CCNY: variants seen among roughly 807,000 people sequenced by gnomAD.
The protein encoded by CCNY is cyclin-Y.
Under a neutral mutation model 42.8 loss-of-function variants are expected in CCNY, and 19 were observed. The observed-to-expected ratio is 0.44, with a 90% CI of 0.31 to 0.65. The LOEUF (loss-of-function observed/expected upper bound fraction) is 0.65. CCNY is among the 30% of genes least tolerant of loss of function. CCNY has a pLI of 0.07. For synonymous variants in CCNY, 165 were observed against 162.7 expected, an observed-to-expected ratio of 1.01 and a Z score of -0.11; for missense variants, 370 against 437.3, an observed-to-expected ratio of 0.85 and a Z score of 1.37.
intron 1 of CCNY, among the ~76,000 whole-genome samples, chr10:35,375,060 T>C (rs1453282839): frequency 6.6e-6 from 1 of 152,178 alleles, no homozygotes; most frequent in African/African-American, 2.4e-5. Context: ...GGTGATTCTT[T>C]AAAGTACATT....
At chr10:35,500,398 C>T (rs1051147270) in intron 2 of CCNY, among the ~76,000 whole-genome samples, 19 of 152,210 alleles carry the variant, frequency 1.2e-4, no homozygotes, top group African/African-American at 4.1e-4. Context: ...AGTCTAAGAA[C>T]AGCATATGAG....
chr10:35,552,328 G>A (rs1475818782), intron 7 of CCNY, among the ~76,000 whole-genome samples: 2 of 152,210 alleles, frequency 1.3e-5, no homozygotes, highest in East Asian at 3.8e-4. Flanking sequence ...CAGATTCATA[G>A]AGAATGGTGG....
intron 1 of CCNY, among the ~76,000 whole-genome samples, chr10:35,471,912 T>G (rs1455585888): frequency 6.6e-6 from 1 of 152,222 alleles, no homozygotes; most frequent in Non-Finnish European, 1.5e-5. Flanking sequence ...CTTGCCATTC[T>G]TTTAGGAGGT....
At chr10:35,473,421 T>C (rs1248769494) in intron 1 of CCNY, among the ~76,000 whole-genome samples, 2 of 152,188 alleles carry the variant, frequency 1.3e-5, no homozygotes, top group African/African-American at 2.4e-5. Context: ...CTTGGTGAGT[T>C]AGCACATGAG....
chr10:35,519,649 A>C (rs1437709144), intron 4 of CCNY, among the ~76,000 whole-genome samples: 1 of 152,034 alleles, frequency 6.6e-6, no homozygotes, highest in Non-Finnish European at 1.5e-5. Context: ...GGAACAAGCT[A>C]TGAGACTTCA....
chr10:35,356,505 G>A (rs1382235406), intron 1 of CCNY, among the ~76,000 whole-genome samples: 1 of 152,150 alleles, frequency 6.6e-6, no homozygotes, highest in East Asian at 1.9e-4. Context: ...TGAGGACGTG[G>A]ATGTGGCAAC....
intron 1 of CCNY, among the ~76,000 whole-genome samples, chr10:35,446,170 G>C (rs1189601229): frequency 6.6e-6 from 1 of 152,168 alleles, no homozygotes; most frequent in Non-Finnish European, 1.5e-5. Context: ...GGTCTCTGTT[G>C]ATTGTTTGCT....
rs2135041833 is a variant in CCNY at position 35,269,830 on chromosome 10, A to G, written c.-9+19204A>G. ...TTTTTAGTAGAGATGGGGTTTTACC[A>G]TGTTGGCCAGGCTGGACTTGAACTC... On this transcript the variant is annotated intron_variant, in intron 3 of 11. Transcript: ENST00000374706. Among the ~76,000 whole-genome samples the G allele has an allele frequency of 2.6e-5, 4 of 151,804 alleles. 1 individual carries two copies. The Middle Eastern group carries it at 0.014, about 520-fold the overall frequency.
intron 7 of CCNY, among the ~76,000 whole-genome samples, chr10:35,531,506 C>T (rs1310443072): frequency 6.6e-6 from 1 of 152,186 alleles, no homozygotes; most frequent in Non-Finnish European, 1.5e-5. Context: ...GTTCCTATGT[C>T]ATAATTGAGT....
intron 3 of CCNY, among the ~76,000 whole-genome samples, chr10:35,304,995 A>G (rs1040350017): frequency 2.6e-5 from 4 of 151,688 alleles, no homozygotes; most frequent in Non-Finnish European, 4.4e-5. Flanking sequence ...TTAGGAGCCT[A>G]ATATACAAGT....
At chr10:35,513,921 C>G (rs578160688) in intron 3 of CCNY, among the ~76,000 whole-genome samples, 44 of 152,140 alleles carry the variant, frequency 2.9e-4, no homozygotes, top group African/African-American at 1.1e-3. Context: ...ACCTGACACA[C>G]GTGTGCTTAT....
chr10:35,486,846 C>T (rs1174517102), intron 2 of CCNY, among the ~76,000 whole-genome samples: 1 of 152,192 alleles, frequency 6.6e-6, no homozygotes, highest in Non-Finnish European at 1.5e-5. Context: ...CTGATTTCTT[C>T]TGTCCTCCAG....
At chr10:35,367,761 G>T (rs1006693445) in intron 1 of CCNY, among the ~76,000 whole-genome samples, 7 of 152,200 alleles carry the variant, frequency 4.6e-5, no homozygotes, top group African/African-American at 1.7e-4. Context: ...TTGCAGGTCT[G>T]CAGTTAAACA....
intron 9 of CCNY, 198 bp downstream of exon 9, chr10:35,566,383 C>T (rs1488956732): frequency 3.3e-6 from 2 of 604,426 alleles, no homozygotes; most frequent in East Asian, 6.2e-5. Flanking sequence ...CTCGCTCTGT[C>T]ACCCAGCCTG....
chr10:35,422,725 A>G (rs771278919), intron 1 of CCNY, among the ~76,000 whole-genome samples: 3 of 152,170 alleles, frequency 2.0e-5, no homozygotes, highest in South Asian at 2.1e-4. Flanking sequence ...TTTTTTTGTC[A>G]TTTAAGAGTT....
chr10:35,539,091 G>A (rs995934184), intron 7 of CCNY, among the ~76,000 whole-genome samples: 22 of 152,134 alleles, frequency 1.4e-4, no homozygotes, highest in African/African-American at 5.1e-4. Flanking sequence ...TTTATATCTG[G>A]GTTTTCAATT....
At chr10:35,316,565 G>T (rs1057393984) in intron 3 of CCNY, among the ~76,000 whole-genome samples, 1 of 152,142 alleles carries the variant, frequency 6.6e-6, no homozygotes, top group African/African-American at 2.4e-5. Flanking sequence ...AAAATTGGGT[G>T]TAATCTCTTT....
At chr10:35,345,137 T>C (rs532912770) in intron 1 of CCNY, among the ~76,000 whole-genome samples, 2 of 152,344 alleles carry the variant, frequency 1.3e-5, no homozygotes, top group East Asian at 3.9e-4. Context: ...TCTAGATCCC[T>C]GAGGAATCAC....
At chr10:35,500,467 A>G (rs1007323094) in intron 2 of CCNY, among the ~76,000 whole-genome samples, 3 of 152,224 alleles carry the variant, frequency 2.0e-5, no homozygotes, top group Non-Finnish European at 4.4e-5. Flanking sequence ...TTTTGAAAAC[A>G]GTAGTGAATC....
Sources: gnomAD v4.1 joint callset for allele counts (sites outside exome capture counted in the v4.1 genomes callset) on GRCh38, gnomAD v4.1.1 for gene constraint, MANE v1.5 for transcripts, NCBI Gene and HGNC (gene_info 2026-07-23, HGNC 2026-07-21) for gene names.